CEP128: variants seen among roughly 807,000 people sequenced by gnomAD.
CEP128 encodes centrosomal protein 128, also known as centrosomal protein 128kDa.
A neutral mutation model predicts 156.7 loss-of-function variants in CEP128; 132 were observed. The ratio of observed to expected loss-of-function variants is 0.84; its 90% confidence interval spans 0.73 to 0.97. The LOEUF is 0.97. Among genes scored for constraint, CEP128 ranks in the 50% least tolerant of loss-of-function variants. The pLI, the probability that CEP128 is intolerant of heterozygous loss-of-function variation, is 0.00. For missense variants in CEP128, 1,252 were observed against 1,281.9 expected (o/e 0.98, Z 0.36); for synonymous variants, 469 against 448.9 (o/e 1.04, Z -0.57).
intron 20 of CEP128, among the ~76,000 whole-genome samples, chr14:80,573,683 G>A (rs1385491988): frequency 6.6e-6 from 1 of 152,172 alleles, no homozygotes; most frequent in African/African-American, 2.4e-5. Flanking sequence ...TCTTGATGTA[G>A]TAAATTGAAG....
intron 21 of CEP128, among the ~76,000 whole-genome samples, chr14:80,542,731 G>A (rs1445799316): frequency 2.0e-5 from 3 of 152,108 alleles, no homozygotes; most frequent in Admixed American, 1.3e-4. Context: ...ATCCTGCAAA[G>A]CCCTGGCCCC....
chr14:80,678,906 T>C (rs922782797), intron 19 of CEP128, among the ~76,000 whole-genome samples: 1 of 152,174 alleles, frequency 6.6e-6, no homozygotes, highest in Non-Finnish European at 1.5e-5. Context: ...ATTGTGAAGA[T>C]TTCATTTTAA....
chr14:80,704,683 T>C (rs1436792464), intron 19 of CEP128, among the ~76,000 whole-genome samples: 9 of 78,514 alleles, frequency 1.1e-4, no homozygotes, highest in African/African-American at 3.4e-4. Context: ...ATAATTTTTT[T>C]ATAAAATTAG....
intron 1 of CEP128, among the ~76,000 whole-genome samples, chr14:80,958,614 GA>G (rs1402431439): frequency 1.3e-5 from 2 of 152,104 alleles, no homozygotes; most frequent in Non-Finnish European, 2.9e-5. Flanking sequence ...AGGCAAGGAG[GA>G]CAAGAAAGAC....
intron 19 of CEP128, among the ~76,000 whole-genome samples, chr14:80,658,692 G>A (rs933816769): frequency 1.3e-5 from 2 of 152,068 alleles, no homozygotes; most frequent in African/African-American, 4.8e-5. Flanking sequence ...TTTATAACAG[G>A]TACAATAAAT....
chr14:80,894,070 G>C (rs530363114), intron 8 of CEP128, among the ~76,000 whole-genome samples: 1 of 151,978 alleles, frequency 6.6e-6, no homozygotes, highest in African/African-American at 2.4e-5. Flanking sequence ...GATTACATAA[G>C]AGAACATCTT....
chr14:80,801,432 A>C (rs1177842492), intron 13 of CEP128, among the ~76,000 whole-genome samples: 1 of 151,118 alleles, frequency 6.6e-6, no homozygotes, highest in Non-Finnish European at 1.5e-5. Context: ...TAGTTTATTG[A>C]GAGTTTTTAA....
At chr14:80,929,212 A>T (rs1885314150) in intron 2 of CEP128, among the ~76,000 whole-genome samples, 1 of 152,212 alleles carries the variant, frequency 6.6e-6, no homozygotes, top group Non-Finnish European at 1.5e-5. Flanking sequence ...AAAATGTCAA[A>T]CAACAATAGA....
intron 2 of CEP128, among the ~76,000 whole-genome samples, chr14:80,930,915 G>C (rs1885422224): frequency 6.6e-6 from 1 of 152,188 alleles, no homozygotes; most frequent in Non-Finnish European, 1.5e-5. Flanking sequence ...TTTTAGGAGA[G>C]GTTGCAGTTC....
At chr14:80,956,237 A>T (rs1359613496) in intron 2 of CEP128, among the ~76,000 whole-genome samples, 1 of 152,264 alleles carries the variant, frequency 6.6e-6, no homozygotes, top group Non-Finnish European at 1.5e-5. Flanking sequence ...GTAATAAAAA[A>T]TTGCAAAAAT....
chr14:80,674,780 G>T (rs1398818003), intron 19 of CEP128, among the ~76,000 whole-genome samples: 1 of 152,008 alleles, frequency 6.6e-6, no homozygotes, highest in Non-Finnish European at 1.5e-5. Flanking sequence ...CTATTACAGA[G>T]AAGACATTAA....
At chr14:80,776,541 TTA>T in intron 16 of CEP128, among the ~76,000 whole-genome samples, 1 of 147,892 alleles carries the variant, frequency 6.8e-6, no homozygotes, top group East Asian at 1.9e-4. Flanking sequence ...TATATATTAA[TTA>T]TATATATTAT....
chr14:80,537,509 G>A (rs1889538767), intron 21 of CEP128, among the ~76,000 whole-genome samples: 1 of 152,154 alleles, frequency 6.6e-6, no homozygotes, highest in Non-Finnish European at 1.5e-5. Context: ...ATGAGGACTA[G>A]TTTAATGTTC....
At chr14:80,935,873 A>G (rs1250144196) in intron 2 of CEP128, among the ~76,000 whole-genome samples, 1 of 152,198 alleles carries the variant, frequency 6.6e-6, no homozygotes, top group Non-Finnish European at 1.5e-5. Context: ...CCCCAACAGT[A>G]GCCCTAGAGT....
chr14:80,887,662 C>T lies in CEP128; in HGVS notation c.645+8056G>A, dbSNP rs1185891815. 3.3e-5 allele frequency among the ~76,000 whole-genome samples: 5 copies of T among 152,058 alleles called. No individual in the cohort carries two copies. In the East Asian group the frequency reaches 9.6e-4, roughly 29 times the overall value. On this transcript the variant is annotated intron_variant, in intron 8 of 24. Transcript: ENST00000555265. Reference sequence around the variant, plus strand: ...AGGGAAATTTAAAGTACTAAATGCCCACATCAGAAAGTGCAAAAGACCTAA... The same window carrying T: ...AGGGAAATTTAAAGTACTAAATGCCTACATCAGAAAGTGCAAAAGACCTAA...
intron 20 of CEP128, among the ~76,000 whole-genome samples, chr14:80,568,190 C>G (rs527905567): frequency 6.6e-6 from 1 of 152,246 alleles, no homozygotes; most frequent in South Asian, 2.1e-4. Flanking sequence ...CTGACATCTC[C>G]TTTGTTTCCC....
intron 9 of CEP128, among the ~76,000 whole-genome samples, chr14:80,855,291 T>C (rs189966837): frequency 1.1e-4 from 17 of 152,146 alleles, no homozygotes; most frequent in Non-Finnish European, 2.1e-4. Context: ...GACTCAATTC[T>C]AGGGCTTATG....
chr14:80,545,015 C>A (rs58879257), intron 21 of CEP128, among the ~76,000 whole-genome samples: 1 of 152,066 alleles, frequency 6.6e-6, no homozygotes, highest in Non-Finnish European at 1.5e-5. Context: ...TCAGTTGACC[C>A]TGATAGTAGA....
chr14:80,812,229 A>G (rs1884597495), intron 13 of CEP128, among the ~76,000 whole-genome samples: 2 of 152,222 alleles, frequency 1.3e-5, no homozygotes, highest in Admixed American at 1.3e-4. Context: ...TGCAAAGGAC[A>G]TGATTTCATT....
Sources: allele counts gnomAD v4.1 joint callset (sites outside exome capture counted in the v4.1 genomes callset), GRCh38; gene constraint gnomAD v4.1.1; transcripts MANE v1.5; gene names NCBI Gene and HGNC (gene_info 2026-07-23, HGNC 2026-07-21).